Variants in SI observed in about 807,000 individuals in gnomAD.
SI encodes sucrase-isomaltase, also known as sucrase-isomaltase, intestinal.
SI carries 235 observed loss-of-function variants against 253.3 expected under a neutral mutation model. That is an observed-to-expected ratio of 0.93 (90% CI 0.83 to 1.03). The LOEUF (loss-of-function observed/expected upper bound fraction) is 1.03. Ranked by LOEUF, SI falls within the 50% of genes least tolerant of loss-of-function variation. The pLI, the probability that SI is intolerant of heterozygous loss-of-function variation, is 0.00. For missense variants in SI, 2,442 were observed against 2,211.1 expected (o/e 1.10, Z -2.09); for synonymous variants, 819 against 712.0 (o/e 1.15, Z -2.39).
chr3:165,013,273 C>T (rs1718855573), intron 33 of SI, among the ~76,000 whole-genome samples: 1 of 152,052 alleles, frequency 6.6e-6, no homozygotes. Flanking sequence ...CATTGCCAAC[C>T]TTTATGGTAG....
intron 11 of SI, 33 bp from the exon 12 acceptor site, chr3:165,059,115 T>G: frequency 6.4e-7 from 1 of 1,565,868 alleles, no homozygotes; most frequent in Non-Finnish European, 8.6e-7. Context: ...GCAAAATCTA[T>G]TAACTTACAC....
At chr3:164,987,295 T>A in intron 44 of SI, 69 bp from the exon 45 acceptor site, 1 of 1,276,648 alleles carries the variant, frequency 7.8e-7, no homozygotes. Context: ...TGATATGACA[T>A]CCACATAAGG....
chr3:165,001,478 A>G (rs1334660412), intron 37 of SI, among the ~76,000 whole-genome samples: 1 of 151,548 alleles, frequency 6.6e-6, no homozygotes, highest in Non-Finnish European at 1.5e-5. Context: ...AGTATTTTGT[A>G]GGCTAAAATA....
chr3:164,981,097 A>C (rs1418259477), intron 47 of SI, among the ~76,000 whole-genome samples: 1 of 152,102 alleles, frequency 6.6e-6, no homozygotes, highest in Non-Finnish European at 1.5e-5. Context: ...AAATTATAAA[A>C]ATAAAAATAT....
At chr3:165,046,619 CT>C (rs565851395) in intron 16 of SI, among the ~76,000 whole-genome samples, 227 of 151,900 alleles carry the variant, frequency 1.5e-3, no homozygotes, top group African/African-American at 5.1e-3. Context: ...CCTCAATTAT[CT>C]TGATTTCATT....
rs763283611 is a variant in SI at position 165,063,455 on chromosome 3, A to G, written c.894T>C (p.Asn298=). The G allele has an allele frequency of 4.8e-6, 7 of 1,461,130 alleles. No homozygotes were observed. The Admixed American group carries it at 8.4e-5, about 18-fold the overall frequency. 90.5% of individuals were successfully genotyped at this position (1,461,130 alleles called of 1,614,324 possible). ...SGKSFGVFLM[N]SNAMEIFIQP... is the part of the protein sequence containing the mutation. ...AATTATTCTTACCCATTGCATTGCTATTCATTAAAAAAACACCGAATGACT... is the reference window on the plus strand; with the variant it reads ...AATTATTCTTACCCATTGCATTGCTGTTCATTAAAAAAACACCGAATGACT... The change falls in exon 8 of 48, where the codon AAT becomes AAC. Residue 298 remains asparagine, a synonymous_variant. Transcript: ENST00000264382.
intron 45 of SI, among the ~76,000 whole-genome samples, chr3:164,984,275 C>G (rs924862230): frequency 3.4e-4 from 51 of 152,180 alleles, no homozygotes; most frequent in Admixed American, 1.2e-3. Context: ...TTATACACAT[C>G]AGGGCTGTAT....
chr3:165,065,868 G>T (rs1714222605), intron 6 of SI, among the ~76,000 whole-genome samples: 1 of 151,684 alleles, frequency 6.6e-6, no homozygotes, highest in African/African-American at 2.4e-5. Flanking sequence ...AATTAAGTTT[G>T]AAAGCATTTT....
chr3:165,072,105 T>C (rs537303428), intron 3 of SI, among the ~76,000 whole-genome samples: 1 of 152,234 alleles, frequency 6.6e-6, no homozygotes, highest in African/African-American at 2.4e-5. Context: ...AATTTTCCAA[T>C]TTTAACAATC....
intron 19 of SI, among the ~76,000 whole-genome samples, chr3:165,039,610 T>C (rs147454420): frequency 2.3e-3 from 349 of 152,178 alleles, no homozygotes; most frequent in African/African-American, 8.1e-3. Flanking sequence ...TTATTATGAA[T>C]TGATTTTGAT....
chr3:165,042,423 A>AT (rs1257578220), intron 17 of SI, among the ~76,000 whole-genome samples: 1 of 152,044 alleles, frequency 6.6e-6, no homozygotes, highest in African/African-American at 2.4e-5. Context: ...GTTTAACTGA[A>AT]TTTTACTATT....
In SI at chr3:165,033,439, T is replaced by C. The variant is rs1292488759; in HGVS notation, c.2521A>G (p.Ile841Val). 6.5e-7 allele frequency: 1 copy of C among 1,542,506 alleles called. No homozygotes were observed. Among genetic ancestry groups the C allele is most frequent in the Non-Finnish European group, 8.8e-7 (1 of 1,140,712 alleles). Residue 841 changes from isoleucine (I) to valine (V), a missense_variant, in exon 23 of 48, where the codon ATA becomes GTA. Coordinates refer to ENST00000264382, the MANE Select transcript of SI (RefSeq NM_001041.4). ...FWDDGETKDT[I>V]QNGNYILYTF... ...TATAATATGTAGTTGCCATTTTGTA[T>C]TGTATCTGAAATGAAAAATATCGTG...
chr3:165,035,469 A>C (rs1712484924), intron 22 of SI, among the ~76,000 whole-genome samples: 1 of 151,786 alleles, frequency 6.6e-6, no homozygotes, highest in South Asian at 2.1e-4. Flanking sequence ...GGTGAATGTA[A>C]GTCTTAGGAG....
rs1162243631 is a variant in SI, at chr3:164,982,344, G to GATCC, written c.5313_5314insGGAT (p.Leu1772GlyfsTer20). On this transcript the variant is annotated frameshift_variant, in exon 47 of 48. Transcript: ENST00000264382. LOFTEE classifies it high-confidence loss of function. Reference sequence around the variant, plus strand: ...GTAGTTCCTTTCCCCCATACATGAAGGGATCCAAGCCTCGTTTCACTTTTA... The same window carrying GATCC: ...GTAGTTCCTTTCCCCCATACATGAAGATCCGGATCCAAGCCTCGTTTCACTTTTA... The GATCC allele has an allele frequency of 1.9e-6, 3 of 1,612,604 alleles. No individual in the cohort carries two copies. Among genetic ancestry groups the GATCC allele is most frequent in the Non-Finnish European group, 2.5e-6 (3 of 1,179,020 alleles).
At chr3:164,979,494 G>A in intron 47 of SI, 64 bp from the exon 48 acceptor site, 2 of 934,552 alleles carry the variant, frequency 2.1e-6, no homozygotes, top group East Asian at 2.4e-5. Flanking sequence ...TTTCATGAAT[G>A]CTATTTCAAA....
chr3:164,999,762 G>A (rs572294840), intron 37 of SI, among the ~76,000 whole-genome samples: 36 of 151,572 alleles, frequency 2.4e-4, no homozygotes, highest in Non-Finnish European at 4.0e-4. Context: ...AAGAAAGTTC[G>A]GAATTAACAA....
At chr3:165,068,966 T>C (rs1714402014) in intron 4 of SI, 112 bp downstream of exon 4, 1 of 1,036,644 alleles carries the variant, frequency 9.6e-7, no homozygotes, top group African/African-American at 1.6e-5. Context: ...AATAAGGAAT[T>C]TGAACATTCT....
intron 26 of SI, 65 bp downstream of exon 26, chr3:165,023,505 A>T: frequency 9.6e-7 from 1 of 1,046,036 alleles, no homozygotes; most frequent in South Asian, 1.3e-5. Flanking sequence ...TATCAATCAC[A>T]GGATTATTCA....
chr3:164,982,142 T>A (rs1717217227), intron 47 of SI, 101 bp downstream of exon 47: 4 of 831,594 alleles, frequency 4.8e-6, no homozygotes, highest in Non-Finnish European at 7.7e-6. Context: ...AATGTCATAA[T>A]TGACTCATAA....
Sources: gnomAD v4.1 joint callset for allele counts (sites outside exome capture counted in the v4.1 genomes callset) on GRCh38, gnomAD v4.1.1 for gene constraint, MANE v1.5 for transcripts, NCBI Gene and HGNC (gene_info 2026-07-23, HGNC 2026-07-21) for gene names.